The following LAMA2 variants were observed in gnomAD, a reference collection of about 807,000 sequenced individuals.
LAMA2 encodes the protein laminin subunit alpha 2.
A neutral mutation model predicts 364.8 loss-of-function variants in LAMA2; 269 were observed. The ratio of observed to expected loss-of-function variants is 0.74; its 90% confidence interval spans 0.67 to 0.82. LAMA2 has a LOEUF of 0.82. Ranked by LOEUF, LAMA2 falls within the 40% of genes least tolerant of loss-of-function variation. LAMA2 has a pLI of 0.00. For synonymous variants in LAMA2, 1,379 were observed against 1,370.6 expected (o/e 1.01, Z -0.14); for missense variants, 3,807 against 3,873.2 (o/e 0.98, Z 0.45).
At chr6:129,488,666 A>G (rs1399320733) in intron 56 of LAMA2, among the ~76,000 whole-genome samples, 1 of 152,236 alleles carries the variant, frequency 6.6e-6, no homozygotes, top group Non-Finnish European at 1.5e-5. Flanking sequence ...AATATATGAC[A>G]TATTAGTGTG....
In LAMA2 at chr6:129,514,260, T is replaced by C; in HGVS notation, c.8989-113T>C. The C allele has an allele frequency of 8.4e-6, 7 of 836,130 alleles. No individual in the cohort carries two copies. The South Asian group carries it at 1.0e-4, about 12-fold the overall frequency. 51.8% of individuals were successfully genotyped at this position (836,130 alleles called of 1,614,324 possible). A position where few individuals can be genotyped will look rare whatever the true frequency, so the allele number is the denominator to read the frequency against. On this transcript the variant is annotated intron_variant, in intron 63 of 64. Coordinates refer to ENST00000421865, the MANE Select transcript of LAMA2 (RefSeq NM_000426.4). ...TTCAATATGCCCAGTTACATCCATTTCAAATGATTCTGGCTGATGTCTTTC... is the reference window on the plus strand; with the variant it reads ...TTCAATATGCCCAGTTACATCCATTCCAAATGATTCTGGCTGATGTCTTTC...
chr6:128,953,873 C>G (rs1238796464), intron 1 of LAMA2, among the ~76,000 whole-genome samples: 1 of 152,010 alleles, frequency 6.6e-6, no homozygotes. Flanking sequence ...AATGACAAAC[C>G]TACAAAGTAC....
At chr6:129,225,593 C>A (rs550405817) in intron 12 of LAMA2, among the ~76,000 whole-genome samples, 2 of 152,184 alleles carry the variant, frequency 1.3e-5, no homozygotes, top group African/African-American at 4.8e-5. Context: ...CGTTATATAC[C>A]CAGTAGTCAT....
At position 129,454,261 on chromosome 6, in the gene LAMA2, CAT is replaced by C; in HGVS notation, c.6683_6684del (p.Tyr2228LeufsTer64). 6.2e-7 allele frequency: 1 copy of C among 1,611,430 alleles called. No homozygotes were observed. Among genetic ancestry groups the C allele is most frequent in the Non-Finnish European group, 8.5e-7 (1 of 1,177,922 alleles). On this transcript the variant is annotated frameshift_variant, in exon 47 of 65. Coordinates refer to ENST00000421865, the MANE Select transcript of LAMA2 (RefSeq NM_000426.4). LOFTEE classifies it high-confidence loss of function. ...TACCCAGATTTGACTATTGATGACT[CAT>C]ATTGGTACCGTATCGTAGCATCAAG...
At chr6:129,340,726 A>G (rs1776212075) in intron 29 of LAMA2, among the ~76,000 whole-genome samples, 1 of 150,504 alleles carries the variant, frequency 6.6e-6, no homozygotes, top group African/African-American at 2.5e-5. Context: ...AGTACCAGCT[A>G]CTCGGGAAGG....
At chr6:128,911,847 T>C (rs143672821) in intron 1 of LAMA2, among the ~76,000 whole-genome samples, 4 of 152,330 alleles carry the variant, frequency 2.6e-5, no homozygotes, top group African/African-American at 9.6e-5. Context: ...GAAACTCTTA[T>C]CTGATTAGTT....
intron 58 of LAMA2, among the ~76,000 whole-genome samples, chr6:129,497,278 C>T (rs561758502): frequency 6.6e-6 from 1 of 152,070 alleles, no homozygotes; most frequent in African/African-American, 2.4e-5. Flanking sequence ...TGCTCTGTCA[C>T]CCAGGCTGGT....
chr6:128,986,698 C>A (rs544539655), intron 1 of LAMA2, among the ~76,000 whole-genome samples: 3 of 152,050 alleles, frequency 2.0e-5, no homozygotes, highest in African/African-American at 7.2e-5. Context: ...TATAAAGCAT[C>A]CCACTAGGCA....
intron 22 of LAMA2, among the ~76,000 whole-genome samples, chr6:129,302,163 A>G (rs1232990944): frequency 3.3e-5 from 5 of 152,046 alleles, no homozygotes; most frequent in Admixed American, 2.6e-4. Context: ...TTTTTTTCTT[A>G]AGAACACTCC....
intron 6 of LAMA2, among the ~76,000 whole-genome samples, chr6:129,148,070 C>T (rs1583135815): frequency 6.6e-6 from 1 of 152,062 alleles, no homozygotes; most frequent in East Asian, 1.9e-4. Context: ...TTTACAGAGT[C>T]CCTTTGTCTC....
chr6:129,299,648 A>G (rs1384029214), intron 21 of LAMA2, among the ~76,000 whole-genome samples: 1 of 152,170 alleles, frequency 6.6e-6, no homozygotes, highest in East Asian at 1.9e-4. Context: ...TGAAGGACAC[A>G]TCTAAAATAA....
In LAMA2 at chr6:129,407,222, C is replaced by CT. The variant is rs559811601; in HGVS notation, c.5865+3266dup. On this transcript the variant is annotated intron_variant, in intron 40 of 64. Coordinates refer to ENST00000421865, the MANE Select transcript of LAMA2 (RefSeq NM_000426.4). ...CTCACAGAGACACCCAGGAACAATA[C>CT]TTTGCATCGTTCAATCCAATCAAGC... Among the ~76,000 whole-genome samples the CT allele has an allele frequency of 9.9e-4, 150 of 152,268 alleles. 1 individual carries two copies. The highest frequency in any genetic ancestry group is 8.4e-4 in the Non-Finnish European group (57 of 68,024).
At chr6:129,263,929 A>G (rs768443372) in intron 15 of LAMA2, among the ~76,000 whole-genome samples, 6 of 151,918 alleles carry the variant, frequency 3.9e-5, no homozygotes, top group Non-Finnish European at 7.4e-5. Context: ...GTTTTAATAG[A>G]GACAAGATCT....
At chr6:129,478,939 A>G (rs1784220502) in intron 54 of LAMA2, 126 bp downstream of exon 54, 1 of 846,926 alleles carries the variant, frequency 1.2e-6, no homozygotes, top group South Asian at 1.4e-5. Context: ...CTACTCTTAA[A>G]CGATAAAGCA....
chr6:128,941,871 A>G (rs1780182671), intron 1 of LAMA2, among the ~76,000 whole-genome samples: 1 of 152,200 alleles, frequency 6.6e-6, no homozygotes, highest in Non-Finnish European at 1.5e-5. Flanking sequence ...CCTCAATAAT[A>G]GACCTCCATC....
chr6:129,195,848 G>A (rs1781806007), intron 12 of LAMA2, among the ~76,000 whole-genome samples: 1 of 152,222 alleles, frequency 6.6e-6, no homozygotes, highest in Middle Eastern at 3.4e-3. Context: ...TTCAGAGTTG[G>A]GATAATTTAC....
At chr6:128,909,700 G>T (rs1281910366) in intron 1 of LAMA2, among the ~76,000 whole-genome samples, 1 of 150,822 alleles carries the variant, frequency 6.6e-6, no homozygotes, top group Non-Finnish European at 1.5e-5. Flanking sequence ...TGGTTATTTT[G>T]CTCGTTAGTT....
chr6:129,285,133 CTA>C (rs1789010034), intron 18 of LAMA2, among the ~76,000 whole-genome samples: 2 of 152,110 alleles, frequency 1.3e-5, no homozygotes, highest in South Asian at 2.1e-4. Context: ...CTCTAACACA[CTA>C]TTTTTATTAA....
At chr6:129,220,019 T>C (rs1033603178) in intron 12 of LAMA2, among the ~76,000 whole-genome samples, 13 of 151,944 alleles carry the variant, frequency 8.6e-5, no homozygotes, top group African/African-American at 2.9e-4. Flanking sequence ...AAAAAGTTCA[T>C]CGTATGGATT....
Sources: allele counts gnomAD v4.1 joint callset (sites outside exome capture counted in the v4.1 genomes callset), GRCh38; gene constraint gnomAD v4.1.1; transcripts MANE v1.5; gene names NCBI Gene and HGNC (gene_info 2026-07-23, HGNC 2026-07-21).